The following DPF3 variants were observed in gnomAD, a reference collection of about 807,000 sequenced individuals.
The protein encoded by DPF3 is double PHD fingers 3.
DPF3 carries 18 observed loss-of-function variants against 56.8 expected under a neutral mutation model. The ratio of observed to expected loss-of-function variants is 0.32; its 90% CI spans 0.22 to 0.47. The LOEUF (loss-of-function observed/expected upper bound fraction) is 0.47. DPF3 is among the 20% of genes least tolerant of loss of function. The probability of loss-of-function intolerance (pLI) is 1.00; values close to 1 mark genes in which losing one functional copy is unlikely to be tolerated. For synonymous variants in DPF3, 188 were observed against 180.2 expected (o/e 1.04, Z -0.35); for missense variants, 403 against 488.8 (o/e 0.82, Z 1.65).
intron 9 of DPF3, among the ~76,000 whole-genome samples, chr14:72,628,451 A>T (rs564305577): frequency 4.3e-4 from 66 of 152,300 alleles, no homozygotes; most frequent in African/African-American, 1.6e-3. Context: ...ATCTTCCTGG[A>T]ATTACTCCAG....
At chr14:72,693,298 C>T in intron 6 of DPF3, 85 bp from the exon 7 acceptor site, 1 of 1,450,746 alleles carries the variant, frequency 6.9e-7, no homozygotes, top group Non-Finnish European at 9.4e-7. Context: ...AGACAGTGAT[C>T]CCATCCATCC....
At chr14:72,887,179 ACACACAC>A (rs1297309789) in intron 1 of DPF3, among the ~76,000 whole-genome samples, 1 of 151,614 alleles carries the variant, frequency 6.6e-6, no homozygotes, top group Non-Finnish European at 1.5e-5. Context: ...ACACACACAC[ACACACAC>A]ACACACACAC....
chr14:72,883,621 T>C (rs1297213453), intron 1 of DPF3, among the ~76,000 whole-genome samples: 1 of 152,240 alleles, frequency 6.6e-6, no homozygotes, highest in East Asian at 1.9e-4. Context: ...CAATGCTCTC[T>C]GGTCTACTTT....
intron 1 of DPF3, among the ~76,000 whole-genome samples, chr14:72,857,580 T>TTTTG (rs10652373): frequency 0.037 from 5,674 of 152,054 alleles, 133 homozygotes; most frequent in East Asian, 0.11. Flanking sequence ...CAATGAGTTT[T>TTTTG]TTTGTTTGTT....
Position 72,788,154 on chromosome 14 carries a change from C to A in DPF3, c.33-16261G>T, listed in dbSNP as rs546840509. ...ACTTGGTAAGTGTTCATTCTGGGGA[C>A]CTGGAACAAGCGAAGCTCAAGCCCT... On this transcript the variant is annotated intron_variant, in intron 1 of 10. Transcript: ENST00000556509. Among the ~76,000 whole-genome samples, 41 of 152,250 alleles carry A rather than the reference C, an allele frequency of 2.7e-4. No homozygotes were observed. The South Asian group carries it at 4.8e-3, about 18-fold the overall frequency.
intron 7 of DPF3, among the ~76,000 whole-genome samples, chr14:72,674,996 C>A (rs1351965687): frequency 6.6e-6 from 1 of 152,176 alleles, no homozygotes; most frequent in East Asian, 1.9e-4. Context: ...GGAAAGTGCC[C>A]AAGACCCCAA....
chr14:72,723,589 A>C, intron 5 of DPF3, 44 bp downstream of exon 5: 66 of 1,451,958 alleles, frequency 4.5e-5, no homozygotes, highest in Non-Finnish European at 5.9e-5. Context: ...CGGGCACCCC[A>C]GCCTCCCTCA....
In DPF3 at chr14:72,649,663, G is replaced by GC. The variant is rs1555491975; in HGVS notation, c.872-19928_872-19927insG. Among the ~76,000 whole-genome samples the GC allele has an allele frequency of 3.6e-5, 5 of 138,922 alleles. No homozygotes were observed. The Admixed American group carries it at 3.6e-4, about 10-fold the overall frequency. The allele number at this position is 138,922 out of a possible 152,430, so 91.1% of individuals were successfully genotyped here. On this transcript the variant is annotated intron_variant, in intron 8 of 10. Transcript: ENST00000556509. ...AATTGTCTCACTCATCCCTGGGTGG[G>GC]GGGGGGGATTAATGTATTAGTACTA... is the stretch of plus-strand genomic sequence containing the variant.
chr14:72,621,399 T>C lies in DPF3; in HGVS notation c.985-1415A>G, dbSNP rs556629136. Among the ~76,000 whole-genome samples the C allele has an allele frequency of 5.3e-5, 8 of 152,296 alleles. No individual in the cohort carries two copies. The South Asian group carries it at 1.7e-3, about 32-fold the overall frequency. ...TTGTTGAAACTGTTTGGATGGCTTA[T>C]GAGCCTTTTTCAAAATAAAGTTTTA... On this transcript the variant is annotated intron_variant, in intron 9 of 10. Coordinates refer to ENST00000556509, the MANE Select transcript of DPF3 (RefSeq NM_001280542.3).
rs142326924 is a variant in DPF3, at chr14:72,787,076, C to T, written c.33-15183G>A. On this transcript the variant is annotated intron_variant, in intron 1 of 10. Transcript: ENST00000556509. ...TCTGTCAAAGGCGATGGCGCCAAAACCCTCCTGTGCCCCTCACTCCAGATA... is the reference window on the plus strand; with the variant it reads ...TCTGTCAAAGGCGATGGCGCCAAAATCCTCCTGTGCCCCTCACTCCAGATA... Among the ~76,000 whole-genome samples the T allele has an allele frequency of 4.6e-5, 7 of 152,364 alleles. No individual in the cohort carries two copies. The South Asian group carries it at 1.2e-3, about 27-fold the overall frequency.
At chr14:72,640,714 G>T (rs1885535039) in intron 8 of DPF3, among the ~76,000 whole-genome samples, 1 of 152,206 alleles carries the variant, frequency 6.6e-6, no homozygotes, top group African/African-American at 2.4e-5. Flanking sequence ...GCGACTTGCA[G>T]AGTATAACAA....
chr14:72,843,599 A>G (rs1191085267), intron 1 of DPF3, among the ~76,000 whole-genome samples: 3 of 152,156 alleles, frequency 2.0e-5, no homozygotes, highest in Admixed American at 6.5e-5. Flanking sequence ...CTGGAGTGCA[A>G]TGGCGTGACC....
chr14:72,619,837 A>G, intron 10 of DPF3, 66 bp downstream of exon 10: 1 of 1,400,500 alleles, frequency 7.1e-7, no homozygotes, highest in Non-Finnish European at 9.6e-7. Flanking sequence ...CCATAGTGAG[A>G]GCTCAGTAAG....
At chr14:72,668,822 AG>A (rs1886544848) in intron 8 of DPF3, among the ~76,000 whole-genome samples, 2 of 152,242 alleles carry the variant, frequency 1.3e-5, no homozygotes, top group South Asian at 4.1e-4. Context: ...TATCAATGAA[AG>A]CAAGTTGTAA....
chr14:72,840,207 G>A (rs937901790), intron 1 of DPF3, among the ~76,000 whole-genome samples: 2 of 152,194 alleles, frequency 1.3e-5, no homozygotes, highest in African/African-American at 4.8e-5. Flanking sequence ...CTGATCTGGA[G>A]GGTAAAGCCT....
At chr14:72,709,579 T>C (rs1888565891) in intron 6 of DPF3, among the ~76,000 whole-genome samples, 1 of 152,144 alleles carries the variant, frequency 6.6e-6, no homozygotes, top group South Asian at 2.1e-4. Context: ...AAATGCTTTT[T>C]CCGCAGCCTT....
chr14:72,624,299 T>A lies in DPF3; in HGVS notation c.985-4315A>T, dbSNP rs117295910. ...ATACTGTTAACTAATCTACAGACTT[T>A]ATTTTAATTTCTCCAGTTTTCCCAC... On this transcript the variant is annotated intron_variant, in intron 9 of 10. Coordinates refer to ENST00000556509, the MANE Select transcript of DPF3 (RefSeq NM_001280542.3). Among the ~76,000 whole-genome samples the A allele has an allele frequency of 1.0e-3, 157 of 151,896 alleles. 2 individuals are homozygous for A. The highest frequency in any genetic ancestry group is 2.1e-3 in the Non-Finnish European group (140 of 67,954).
At chr14:72,689,828 T>C (rs1281056668) in intron 7 of DPF3, among the ~76,000 whole-genome samples, 3 of 152,130 alleles carry the variant, frequency 2.0e-5, no homozygotes, top group Non-Finnish European at 4.4e-5. Context: ...AAGGATGTTT[T>C]CTGCAGGCAC....
At chr14:72,866,235 GT>G (rs984475199) in intron 1 of DPF3, among the ~76,000 whole-genome samples, 1 of 149,998 alleles carries the variant, frequency 6.7e-6, no homozygotes, top group Non-Finnish European at 1.5e-5. Flanking sequence ...ACAGACTGAG[GT>G]CACCTCAGTC....
Sources: allele counts gnomAD v4.1 joint callset (sites outside exome capture counted in the v4.1 genomes callset), GRCh38; gene constraint gnomAD v4.1.1; transcripts MANE v1.5; gene names NCBI Gene and HGNC (gene_info 2026-07-23, HGNC 2026-07-21).